PARP8: variants seen among roughly 807,000 people sequenced by gnomAD.
The protein encoded by PARP8 is poly(ADP-ribose) polymerase family member 8, also known as protein mono-ADP-ribosyltransferase PARP8.
In PARP8, 51 loss-of-function variants were observed where a neutral mutation model predicts 124.1. The ratio of observed to expected loss-of-function variants is 0.41; its 90% CI spans 0.33 to 0.52. PARP8 has a LOEUF of 0.52. Among genes scored for constraint, PARP8 ranks in the 20% least tolerant of loss-of-function variants. The pLI, the probability that PARP8 is intolerant of heterozygous loss-of-function variation, is 0.21. For missense variants in PARP8, 860 were observed against 1,018.9 expected, an observed-to-expected ratio of 0.84 and a Z score of 2.12; for synonymous variants, 391 against 361.5, an observed-to-expected ratio of 1.08 and a Z score of -0.93.
intron 7 of PARP8, among the ~76,000 whole-genome samples, chr5:50,774,061 A>C (rs934741594): frequency 6.6e-5 from 10 of 152,272 alleles, no homozygotes; most frequent in Non-Finnish European, 1.5e-4. Flanking sequence ...TGCTGCCTTC[A>C]AGCATCTGTT....
intron 21 of PARP8, 50 bp from the exon 22 acceptor site, chr5:50,829,842 A>G (rs1249794250): frequency 1.3e-6 from 2 of 1,511,984 alleles, no homozygotes; most frequent in South Asian, 1.3e-5. Context: ...AAATATTATC[A>G]TTTAAACCAT....
intron 3 of PARP8, among the ~76,000 whole-genome samples, chr5:50,751,431 G>A (rs79670220): frequency 0.047 from 7,110 of 152,240 alleles, 234 homozygotes; most frequent in Admixed American, 0.073. Flanking sequence ...AGGAGTGTAA[G>A]TATATATATT....
At chr5:50,781,254 G>A (rs1021767776) in intron 9 of PARP8, among the ~76,000 whole-genome samples, 4 of 151,760 alleles carry the variant, frequency 2.6e-5, no homozygotes, top group African/African-American at 7.3e-5. Flanking sequence ...TACTGATTCC[G>A]TATTATTCCC....
At chr5:50,759,918 G>A (rs1278415021) in intron 4 of PARP8, among the ~76,000 whole-genome samples, 186 bp downstream of exon 4, 10 of 152,194 alleles carry the variant, frequency 6.6e-5, no homozygotes, top group Admixed American at 3.3e-4. Flanking sequence ...TAAATTTAAA[G>A]TAGTTGTAAA....
At chr5:50,718,673 G>T (rs1292548553) in intron 2 of PARP8, among the ~76,000 whole-genome samples, 1 of 151,858 alleles carries the variant, frequency 6.6e-6, no homozygotes, top group South Asian at 2.1e-4. Flanking sequence ...TGGCTGAATA[G>T]TTTCCCATTG....
At chr5:50,796,440 A>G (rs934986663) in intron 12 of PARP8, among the ~76,000 whole-genome samples, 3 of 152,232 alleles carry the variant, frequency 2.0e-5, no homozygotes, top group African/African-American at 7.2e-5. Flanking sequence ...ACATAGAGCA[A>G]ATAATGTAGA....
chr5:50,765,983 AT>A (rs201259942), intron 7 of PARP8, among the ~76,000 whole-genome samples: 9,217 of 149,558 alleles, frequency 0.062, 350 homozygotes, highest in South Asian at 0.19. Flanking sequence ...ATTAGGAGTA[AT>A]TTTTTTTTTT....
chr5:50,736,150 C>T (rs952671514), intron 2 of PARP8, among the ~76,000 whole-genome samples: 17 of 151,998 alleles, frequency 1.1e-4, no homozygotes, highest in Admixed American at 3.9e-4. Flanking sequence ...CTCCCCCCAC[C>T]CACCGAAAGC....
intron 2 of PARP8, among the ~76,000 whole-genome samples, chr5:50,704,750 C>T (rs1018871878): frequency 6.6e-6 from 1 of 152,146 alleles, no homozygotes; most frequent in African/African-American, 2.4e-5. Flanking sequence ...AAACTGATTT[C>T]ATCTACTCTT....
chr5:50,815,909 T>C (rs1273085841), intron 15 of PARP8, among the ~76,000 whole-genome samples: 1 of 152,028 alleles, frequency 6.6e-6, no homozygotes, highest in Admixed American at 6.6e-5. Context: ...ATAGGCAGAG[T>C]ATGTAATAAA....
At chr5:50,734,634 G>A (rs374550743) in intron 2 of PARP8, among the ~76,000 whole-genome samples, 9 of 152,012 alleles carry the variant, frequency 5.9e-5, no homozygotes, top group Admixed American at 3.3e-4. Context: ...AGATGTCTCC[G>A]GGATGGCTAA....
At chr5:50,730,938 GC>G (rs1756915349) in intron 2 of PARP8, among the ~76,000 whole-genome samples, 4 of 152,194 alleles carry the variant, frequency 2.6e-5, no homozygotes, top group Admixed American at 6.5e-5. Context: ...CTCACATGGG[GC>G]AGTAACTTTA....
intron 7 of PARP8, among the ~76,000 whole-genome samples, chr5:50,764,389 G>A (rs988244380): frequency 2.0e-5 from 3 of 152,134 alleles, no homozygotes; most frequent in African/African-American, 7.2e-5. Flanking sequence ...ACATTATCTG[G>A]TTGTAACTTC....
At chr5:50,791,575 A>G (rs1051355061) in intron 10 of PARP8, among the ~76,000 whole-genome samples, 1 of 152,124 alleles carries the variant, frequency 6.6e-6, no homozygotes, top group Admixed American at 6.5e-5. Flanking sequence ...ATATTTATGT[A>G]TTTTCTCATG....
rs377705771 is a variant in PARP8, at chr5:50,818,199, A to G, written c.1668+2675A>G. ...TAGCCCCCCCCCCCCCAAAAAAAAG[A>G]AGTCATAGTTGTGTGCTCTTTTTTA... On this transcript the variant is annotated intron_variant, in intron 15 of 25. Transcript: ENST00000281631. Among the ~76,000 whole-genome samples, 561 of 133,316 alleles carry G rather than the reference A, an allele frequency of 4.2e-3. 4 individuals are homozygous for G. Among genetic ancestry groups the G allele is most frequent in the African/African-American group, 0.015 (534 of 35,896 alleles). 87.5% of individuals were successfully genotyped at this position (133,316 alleles called of 152,430 possible).
At chr5:50,778,834 C>T (rs935881920) in intron 9 of PARP8, among the ~76,000 whole-genome samples, 184 bp downstream of exon 9, 10 of 151,962 alleles carry the variant, frequency 6.6e-5, no homozygotes, top group African/African-American at 2.2e-4. Flanking sequence ...GAAACAGAAA[C>T]GTAAGATTTC....
intron 14 of PARP8, among the ~76,000 whole-genome samples, chr5:50,803,128 G>A (rs1165312440): frequency 4.6e-5 from 7 of 152,146 alleles, no homozygotes; most frequent in East Asian, 3.9e-4. Flanking sequence ...GATTTGTGCC[G>A]TTTTCAGCAT....
At chr5:50,796,081 G>C (rs1441720642) in intron 12 of PARP8, among the ~76,000 whole-genome samples, 1 of 152,110 alleles carries the variant, frequency 6.6e-6, no homozygotes, top group East Asian at 1.9e-4. Flanking sequence ...AGCATGATTG[G>C]CATGATAGCC....
At chr5:50,669,807 A>T (rs1018322950) in intron 2 of PARP8, among the ~76,000 whole-genome samples, 6 of 152,194 alleles carry the variant, frequency 3.9e-5, no homozygotes, top group Non-Finnish European at 8.8e-5. Flanking sequence ...TTATTAAAGG[A>T]TAGTGTTTTC....
Sources: allele counts gnomAD v4.1 joint callset (sites outside exome capture counted in the v4.1 genomes callset), GRCh38; gene constraint gnomAD v4.1.1; transcripts MANE v1.5; gene names NCBI Gene and HGNC (gene_info 2026-07-23, HGNC 2026-07-21).